Variants in ZC3H3 observed in about 807,000 individuals in gnomAD.
ZC3H3 encodes zinc finger CCCH domain-containing protein 3.
ZC3H3 carries 36 observed loss-of-function variants against 77.3 expected under a neutral mutation model. That is an observed-to-expected ratio of 0.47 (90% CI 0.36 to 0.61). The LOEUF is 0.61. ZC3H3 is among the 20% of genes least tolerant of loss of function. The pLI is 0.00. For missense variants in ZC3H3, 1,331 were observed against 1,312.2 expected (o/e 1.01, Z -0.22); for synonymous variants, 626 against 555.2 (o/e 1.13, Z -1.79).
At position 143,494,335 on chromosome 8, in the gene ZC3H3, C is replaced by A. The variant is rs1210374210; in HGVS notation, c.1715+13411G>T. On this transcript the variant is annotated intron_variant, in intron 4 of 11. Transcript: ENST00000262577. The surrounding 1 kb of genome is among the most constrained non-coding windows in gnomAD (Gnocchi z 5.3). The stretch of plus-strand genomic sequence containing the variant: ...AGAGAGCGTGAGTGAGCAGCTCAGG[C>A]TACGGGACCGGTGGCAGCCCGCCAG... Among the ~76,000 whole-genome samples, 1 of 152,228 alleles carries A rather than the reference C, an allele frequency of 6.6e-6. No homozygotes were observed. Among genetic ancestry groups the A allele is most frequent in the African/African-American group, 2.4e-5 (1 of 41,456 alleles).
chr8:143,465,721 G>C lies in ZC3H3; in HGVS notation c.2303C>G (p.Ala768Gly). 2 of 1,613,726 alleles carry C rather than the reference G, an allele frequency of 1.2e-6. No individual in the cohort carries two copies. The highest frequency in any genetic ancestry group is 1.7e-6 in the Non-Finnish European group (2 of 1,179,968). Reference protein sequence around the residue: ...DFLKGYCPLGAKCKKKHTLLC... With the variant: ...DFLKGYCPLGGKCKKKHTLLC... ...GGGCCCCCACAGACCACTCACCTTT[G>C]CACCCAGGGGGCAGTAGCCTTTGAG... The change falls in exon 9 of 12, where the codon GCA becomes GGA. Residue 768 changes from alanine to glycine, a missense_variant. This residue lies in a region of ZC3H3 where 104 missense variants were observed against 159.7 expected (regional missense o/e 0.65). Transcript: ENST00000262577.
intron 9 of ZC3H3, among the ~76,000 whole-genome samples, chr8:143,449,396 G>A (rs1819933420): frequency 6.6e-6 from 1 of 152,164 alleles, no homozygotes; most frequent in African/African-American, 2.4e-5. Context: ...AAGCAGCCAG[G>A]CTACACCTTG....
intron 9 of ZC3H3, among the ~76,000 whole-genome samples, chr8:143,456,718 A>G (rs1304914305): frequency 2.6e-5 from 4 of 152,158 alleles, no homozygotes; most frequent in Admixed American, 1.3e-4. Flanking sequence ...AAATTTTAAA[A>G]GTAGCCAGAC....
chr8:143,489,665 T>C (rs547182223), intron 4 of ZC3H3, among the ~76,000 whole-genome samples: 14 of 152,326 alleles, frequency 9.2e-5, no homozygotes, highest in African/African-American at 3.4e-4. Context: ...CTTTCTTAAT[T>C]CGGCTCCTGC....
intron 9 of ZC3H3, among the ~76,000 whole-genome samples, chr8:143,449,503 C>T (rs1819936022): frequency 6.6e-6 from 1 of 152,164 alleles, no homozygotes; most frequent in Admixed American, 6.6e-5. Flanking sequence ...GGGTGGCTCA[C>T]CTGAGGTCAG....
chr8:143,444,980 A>C (rs1819830750), intron 9 of ZC3H3, among the ~76,000 whole-genome samples: 1 of 152,224 alleles, frequency 6.6e-6, no homozygotes, highest in Non-Finnish European at 1.5e-5. Flanking sequence ...GTTGCTGGAG[A>C]TAAAATCTAT....
rs1822583349 is a variant in ZC3H3, at chr8:143,530,955, CCTTT to C, written c.1561+5298_1561+5301del. Among the ~76,000 whole-genome samples the C allele has an allele frequency of 6.7e-6, 1 of 149,256 alleles. No individual in the cohort carries two copies. Among genetic ancestry groups the C allele is most frequent in the Non-Finnish European group, 1.5e-5 (1 of 67,450 alleles). On this transcript the variant is annotated intron_variant, in intron 3 of 11. Transcript: ENST00000262577. This position sits in a 1 kb window ranked among gnomAD's most constrained non-coding sequence, Gnocchi z 4.3. The stretch of plus-strand genomic sequence containing the variant: ...ACCCTTCTGGGGCTGTCTTCTATCT[CCTTT>C]TTTTTTTTTTTTTTTTTTGAGACAG...
At chr8:143,498,740 G>A (rs1469940146) in intron 4 of ZC3H3, among the ~76,000 whole-genome samples, 39 of 143,590 alleles carry the variant, frequency 2.7e-4, no homozygotes, top group Non-Finnish European at 4.1e-4. Context: ...GGCACAGGGC[G>A]GGGCGGAGGG....
chr8:143,474,354 G>A (rs562109140), intron 5 of ZC3H3, among the ~76,000 whole-genome samples: 65 of 152,350 alleles, frequency 4.3e-4, no homozygotes, highest in Non-Finnish European at 7.6e-4. Flanking sequence ...CAGTTCACCA[G>A]GACCCCCCAG....
chr8:143,438,989 G>A (rs1191737946), intron 11 of ZC3H3, among the ~76,000 whole-genome samples: 1 of 152,192 alleles, frequency 6.6e-6, no homozygotes, highest in Non-Finnish European at 1.5e-5. Context: ...CCTGGCCATG[G>A]CCAAGCAGGG....
intron 4 of ZC3H3, among the ~76,000 whole-genome samples, chr8:143,489,920 G>T (rs1821155474): frequency 6.6e-6 from 1 of 152,192 alleles, no homozygotes; most frequent in Non-Finnish European, 1.5e-5. Context: ...CAGGAAAGTG[G>T]TGGGTGCATC....
At chr8:143,535,923 G>A (rs1343727159) in intron 3 of ZC3H3, among the ~76,000 whole-genome samples, 2 of 152,242 alleles carry the variant, frequency 1.3e-5, no homozygotes, top group Admixed American at 6.5e-5. Flanking sequence ...GGTGCCCAGC[G>A]CAGCACAAGC....
chr8:143,490,610 G>C (rs746158812), intron 4 of ZC3H3, among the ~76,000 whole-genome samples: 2 of 152,244 alleles, frequency 1.3e-5, no homozygotes, highest in African/African-American at 2.4e-5. Context: ...TGATATATTC[G>C]AGAAGTTAAA....
chr8:143,439,091 C>A (rs1819657051), intron 11 of ZC3H3, among the ~76,000 whole-genome samples: 1 of 151,564 alleles, frequency 6.6e-6, no homozygotes, highest in Admixed American at 6.6e-5. Flanking sequence ...GAACTGGCTG[C>A]TAGGTTCCTG....
intron 1 of ZC3H3, among the ~76,000 whole-genome samples, chr8:143,540,914 T>C (rs546606600): frequency 2.0e-5 from 3 of 151,186 alleles, no homozygotes; most frequent in East Asian, 3.9e-4. Context: ...CGTGATCGCG[T>C]CACCGCACCC....
chr8:143,450,585 C>T (rs747426898), intron 9 of ZC3H3, among the ~76,000 whole-genome samples: 6 of 152,166 alleles, frequency 3.9e-5, no homozygotes, highest in Admixed American at 1.3e-4. Flanking sequence ...CAGGGAGCTT[C>T]CAATCGTGGC....
At chr8:143,488,928 T>C (rs949895114) in intron 4 of ZC3H3, among the ~76,000 whole-genome samples, 4 of 152,332 alleles carry the variant, frequency 2.6e-5, no homozygotes, top group African/African-American at 9.6e-5. Flanking sequence ...TAAGCCTGGA[T>C]GGCACCCTCC....
chr8:143,448,679 C>A (rs550511020), intron 9 of ZC3H3, among the ~76,000 whole-genome samples: 62 of 152,340 alleles, frequency 4.1e-4, no homozygotes, highest in African/African-American at 1.4e-3. Flanking sequence ...GTGCATGGTG[C>A]AAGCTGTCGG....
At chr8:143,480,295 GC>G (rs1267792979) in intron 4 of ZC3H3, among the ~76,000 whole-genome samples, 1 of 152,222 alleles carries the variant, frequency 6.6e-6, no homozygotes, top group Non-Finnish European at 1.5e-5. Flanking sequence ...CCTGCCAGCT[GC>G]CAGGCTCCCG....
Sources: gnomAD v4.1 joint callset for allele counts (sites outside exome capture counted in the v4.1 genomes callset) on GRCh38, gnomAD v4.1.1 for gene constraint, gnomAD v4.1.1 regional missense constraint, Gnocchi (gnomAD v3.1) non-coding constraint, MANE v1.5 for transcripts, NCBI Gene and HGNC (gene_info 2026-07-23, HGNC 2026-07-21) for gene names.